The following CDH26 variants were observed in gnomAD, a reference collection of about 807,000 sequenced individuals.
CDH26 encodes the protein cadherin 26.
CDH26 carries 83 observed loss-of-function variants against 90.3 expected under a neutral mutation model. That is an observed-to-expected ratio of 0.92 (90% CI 0.77 to 1.10). The LOEUF (loss-of-function observed/expected upper bound fraction) is 1.10. Ranked by LOEUF, CDH26 falls within the 50% of genes least tolerant of loss-of-function variation. The pLI is 0.00. For synonymous variants in CDH26, 397 were observed against 396.3 expected, an observed-to-expected ratio of 1.00 and a Z score of -0.02; for missense variants, 1,013 against 1,037.6, an observed-to-expected ratio of 0.98 and a Z score of 0.33.
In CDH26 at chr20:59,999,646, C is replaced by G; in HGVS notation, c.2080C>G (p.Pro694Ala). 1 of 1,614,078 alleles carries G rather than the reference C, an allele frequency of 6.2e-7. No individual in the cohort carries two copies. The highest frequency in any genetic ancestry group is 8.5e-7 in the Non-Finnish European group (1 of 1,179,956). Reference sequence around the variant, plus strand: ...GCTCATCTGCACAGCTGCAGCAGGACCCACGCAGGGAGTTAAGGTAACATG... The same window carrying G: ...GCTCATCTGCACAGCTGCAGCAGGAGCCACGCAGGGAGTTAAGGTAACATG... ...ALLICTAAAGPTQGVKDLEEV... is the reference protein window; with the variant it reads ...ALLICTAAAGATQGVKDLEEV... Residue 694 changes from proline (P) to alanine (A), a missense_variant, in exon 14 of 18, where the codon CCC becomes GCC. By Grantham distance (27) the Pro-to-Ala change is conservative. Coordinates refer to ENST00000348616, the MANE Select transcript of CDH26 (RefSeq NM_177980.4).
chr20:60,020,671 G>A (rs2146030263), intron 7 of CDH26, among the ~76,000 whole-genome samples: 1 of 152,276 alleles, frequency 6.6e-6, no homozygotes, highest in African/African-American at 2.4e-5. Context: ...TGTGGCTCTG[G>A]TCTCAGAATG....
chr20:60,031,366 A>C (rs927951225), exon 8 of CDH26: 1 of 1,278,402 alleles, frequency 7.8e-7, no homozygotes. Context: ...TGGTAAACGG[A>C]AACACGGGGC....
chr20:60,010,823 G>A lies in CDH26; in HGVS notation c.2296-1704G>A, dbSNP rs945353863. 6.6e-5 allele frequency among the ~76,000 whole-genome samples: 10 copies of A among 152,330 alleles called. No individual in the cohort carries two copies. The South Asian group carries it at 1.0e-3, about 16-fold the overall frequency. On this transcript the variant is annotated intron_variant, in intron 17 of 17. Transcript: ENST00000348616. ...CGCAGAGCAGGCACCTCTGGCTCAC[G>A]TCACACATCAGGGTGGGTGTCGAGC... is the stretch of plus-strand genomic sequence containing the variant.
rs553634807 is a variant in CDH26, at chr20:60,031,758, T to C, written c.1143+332T>C. ...TGGCTCACAGCCTCTTGGGAGTTTA[T>C]CATGGAGCTGGGTGGCGGCCACTGT... is the stretch of plus-strand genomic sequence containing the variant. On this transcript the variant is annotated intron_variant, in intron 8 of 8. Coordinates refer to the CDH26 transcript ENST00000370991. 5.3e-5 allele frequency among the ~76,000 whole-genome samples: 8 copies of C among 152,322 alleles called. No individual in the cohort carries two copies. The South Asian group carries it at 1.4e-3, about 28-fold the overall frequency.
In CDH26 at chr20:59,992,602, G is replaced by T. The variant is rs1339691009; in HGVS notation, c.1426+82G>T. 7.3e-7 allele frequency: 1 copy of T among 1,373,668 alleles called. No homozygotes were observed. Among genetic ancestry groups the T allele is most frequent in the African/African-American group, 1.4e-5 (1 of 69,886 alleles). 85.1% of individuals were successfully genotyped at this position (1,373,668 alleles called of 1,614,324 possible). A position where few individuals can be genotyped will look rare whatever the true frequency, so the allele number is the denominator to read the frequency against. On this transcript the variant is annotated intron_variant, in intron 10 of 17. Transcript: ENST00000348616. The surrounding 1 kb of genome is among the most constrained non-coding windows in gnomAD (Gnocchi z 5.0). ...AAATAACCCTGGTGAGCGTCTTTCA[G>T]CACAGCAGAGAAAAGGATAAAATAA...
At chr20:60,034,865 C>T (rs1301761577), downstream of CDH26, among the ~76,000 whole-genome samples, 5 of 152,192 alleles carry the variant, frequency 3.3e-5, no homozygotes, top group Non-Finnish European at 7.4e-5. Flanking sequence ...GGCTCCGGCA[C>T]AGGTGGGGAA....
intron 4 of CDH26, among the ~76,000 whole-genome samples, chr20:59,972,784 T>A (rs978982389): frequency 2.0e-5 from 3 of 152,238 alleles, no homozygotes; most frequent in African/African-American, 7.2e-5. Context: ...CGTGCTTGGC[T>A]GTACATTTGT....
At chr20:60,011,823 C>G (rs2061847142) in intron 17 of CDH26, among the ~76,000 whole-genome samples, 1 of 152,034 alleles carries the variant, frequency 6.6e-6, no homozygotes, top group African/African-American at 2.4e-5. Context: ...GATGTTGAGT[C>G]TGAGGTCTCT....
chr20:60,012,448 C>T (rs1267954024), intron 17 of CDH26, 79 bp from the exon 18 acceptor site: 2 of 1,368,096 alleles, frequency 1.5e-6, no homozygotes, highest in South Asian at 2.6e-5. Context: ...TTGATGTGTT[C>T]CTCGAATCAA....
Position 60,012,604 on chromosome 20 carries a change from A to T in CDH26, c.2373A>T (p.Gly791=), listed in dbSNP as rs775351296. 6 of 1,575,334 alleles carry T rather than the reference A, an allele frequency of 3.8e-6. No homozygotes were observed. The highest frequency in any genetic ancestry group is 2.7e-5 in the African/African-American group (2 of 73,222). ...PHVYSEEGEC[G]GAPSLSSLAS... is the part of the protein sequence containing the mutation. Reference sequence around the variant, plus strand: ...TCTACAGCGAGGAAGGGGAGTGTGGAGGGGCCCCATCCCTCAGCTCTCTGG... The same window carrying T: ...TCTACAGCGAGGAAGGGGAGTGTGGTGGGGCCCCATCCCTCAGCTCTCTGG... The change falls in exon 18 of 18, where the codon GGA becomes GGT. Residue 791 remains glycine (G), a synonymous_variant. Coordinates refer to ENST00000348616, the MANE Select transcript of CDH26 (RefSeq NM_177980.4).
At chr20:60,032,662 T>G (rs1044162685) in intron 8 of CDH26, among the ~76,000 whole-genome samples, 28 of 152,164 alleles carry the variant, frequency 1.8e-4, no homozygotes, top group Admixed American at 1.2e-3. Flanking sequence ...GGAATACTAT[T>G]CAGCCATAAA....
intron 14 of CDH26, among the ~76,000 whole-genome samples, chr20:60,000,879 G>A (rs1048031752): frequency 7.2e-5 from 11 of 152,158 alleles, no homozygotes; most frequent in East Asian, 1.9e-4. Context: ...GTGAAATAGC[G>A]TCAATGAGAC....
intron 4 of CDH26, among the ~76,000 whole-genome samples, chr20:59,974,597 G>T (rs1251031205): frequency 6.6e-6 from 1 of 152,166 alleles, no homozygotes. Flanking sequence ...ATTCTGTTAT[G>T]TCAGGTTTTC....
intron 16 of CDH26, 47 bp from the exon 17 acceptor site, chr20:60,006,666 G>A: frequency 7.1e-7 from 1 of 1,416,930 alleles, no homozygotes; most frequent in Non-Finnish European, 1.0e-6. Flanking sequence ...TTGGGGGGTA[G>A]GACAAGGGCT....
At chr20:59,996,839 C>G (rs948284356) in intron 13 of CDH26, 78 bp downstream of exon 13, 1 of 1,562,684 alleles carries the variant, frequency 6.4e-7, no homozygotes, top group African/African-American at 1.4e-5. Context: ...TTTTTCCCCC[C>G]ATTGTGCCAC....
At chr20:60,010,240 G>A (rs949511183) in intron 17 of CDH26, among the ~76,000 whole-genome samples, 1 of 152,126 alleles carries the variant, frequency 6.6e-6, no homozygotes, top group Non-Finnish European at 1.5e-5. Flanking sequence ...CCATCAGAAT[G>A]GGGACACGCA....
chr20:60,005,224 T>C (rs1752788276), intron 16 of CDH26, among the ~76,000 whole-genome samples: 1 of 152,230 alleles, frequency 6.6e-6, no homozygotes, highest in Non-Finnish European at 1.5e-5. Flanking sequence ...ATTAATTGAC[T>C]GTTTATATTA....
chr20:60,032,798 T>C (rs931216525), intron 8 of CDH26, among the ~76,000 whole-genome samples: 1 of 130,618 alleles, frequency 7.7e-6, no homozygotes, highest in Admixed American at 9.7e-5. Flanking sequence ...AATTGAACAA[T>C]GAGAACACAT....
Position 59,971,962 on chromosome 20 carries a change from C to T in CDH26, c.232C>T (p.Leu78=), listed in dbSNP as rs773652326. Residue 78 remains leucine, a splice_region_variant and synonymous_variant, in exon 4 of 18, where the codon CTG becomes TTG. Coordinates refer to ENST00000348616, the MANE Select transcript of CDH26 (RefSeq NM_177980.4). ...TTCTTTCCATTTTTCCTCCTTCCAG[C>T]TGTTCAATAATATGTCTTATAACAT... The part of the protein sequence containing the change: ...PGPFPKLIGE[L]FNNMSYNMSL... 8 of 1,610,494 alleles carry T rather than the reference C, an allele frequency of 5.0e-6. No homozygotes were observed. The South Asian group carries it at 8.8e-5, about 18-fold the overall frequency.
Sources: gnomAD v4.1 joint callset for allele counts (sites outside exome capture counted in the v4.1 genomes callset) on GRCh38, gnomAD v4.1.1 for gene constraint, Gnocchi (gnomAD v3.1) non-coding constraint, MANE v1.5 for transcripts, NCBI Gene and HGNC (gene_info 2026-07-23, HGNC 2026-07-21) for gene names.